Variants in LARP4B observed in about 807,000 individuals in gnomAD.
LARP4B encodes the protein la-related protein 4B.
A neutral mutation model predicts 89.8 loss-of-function variants in LARP4B; 12 were observed. The ratio of observed to expected loss-of-function variants is 0.13; its 90% confidence interval spans 0.09 to 0.22. LARP4B has a LOEUF of 0.22. Ranked by LOEUF, LARP4B falls within the 10% of genes least tolerant of loss-of-function variation. The probability of loss-of-function intolerance (pLI) is 1.00; values close to 1 mark genes in which losing one functional copy is unlikely to be tolerated. For synonymous variants in LARP4B, 367 were observed against 363.3 expected, an observed-to-expected ratio of 1.01 and a Z score of -0.12; for missense variants, 757 against 947.7, an observed-to-expected ratio of 0.80 and a Z score of 2.64.
rs533860961 is a variant in LARP4B, at chr10:812,827, T to C, written c.*99A>G. The C allele has an allele frequency of 3.1e-4, 353 of 1,148,686 alleles. 6 individuals are homozygous for C. In the South Asian group the frequency reaches 8.0e-3, roughly 26 times the overall value. 71.2% of individuals were successfully genotyped at this position (1,148,686 alleles called of 1,614,324 possible). On this transcript the variant is annotated 3_prime_UTR_variant, in exon 18 of 18. Coordinates refer to ENST00000316157, the MANE Select transcript of LARP4B (RefSeq NM_015155.3). ...TGAGGATCCCACAGGCCTCAGACACTGCAAGCTCCTAACCAGCGGCTCGCC... is the reference window on the plus strand; with the variant it reads ...TGAGGATCCCACAGGCCTCAGACACCGCAAGCTCCTAACCAGCGGCTCGCC...
chr10:849,104 G>A (rs1036199080), intron 5 of LARP4B, among the ~76,000 whole-genome samples: 1 of 152,030 alleles, frequency 6.6e-6, no homozygotes, highest in African/African-American at 2.4e-5. Flanking sequence ...GGAGGAAGTG[G>A]AGCAAAACGC....
chr10:814,967 G>T lies in LARP4B; in HGVS notation c.1799C>A (p.Pro600His). 1.2e-6 allele frequency: 2 copies of T among 1,602,770 alleles called. No homozygotes were observed. The highest frequency in any genetic ancestry group is 1.7e-6 in the Non-Finnish European group (2 of 1,172,882). ...CAVSATYERS[P>H]SPAHLPDDPK... ...TCACTCGGGTAAATGAGCTGGGGAGGGGGATCGCTCGTACGTTGCTGATAC... is the reference window on the plus strand; with the variant it reads ...TCACTCGGGTAAATGAGCTGGGGAGTGGGATCGCTCGTACGTTGCTGATAC... Residue 600 changes from proline to histidine, a missense_variant, in exon 16 of 18, where the codon CCC becomes CAC. By Grantham distance (77) the Pro-to-His change is moderately conservative. This residue lies in a region of LARP4B where 387 missense variants were observed against 423.6 expected (regional missense o/e 0.91). Transcript: ENST00000316157. This position sits in a 1 kb window ranked among gnomAD's most constrained non-coding sequence, Gnocchi z 4.4.
At chr10:869,932 AATAATAATAATAATAAT>A (rs1835115152) in intron 3 of LARP4B, 1 of 183,400 alleles carries the variant, frequency 5.5e-6, no homozygotes. Flanking sequence ...TAATAATAAT[AATAATAATAATAATAAT>A]AAATTAAAAT....
chr10:946,389 G>C, the LARP4B span, among the ~76,000 whole-genome samples: 1 of 152,182 alleles, frequency 6.6e-6, no homozygotes, highest in African/African-American at 2.4e-5. Context: ...AAAATACAAA[G>C]ATTCTTAAAT....
chr10:874,009 A>ATCACCAGAGGTCAGGAGTT (rs1235759846), intron 3 of LARP4B, among the ~76,000 whole-genome samples: 2 of 152,192 alleles, frequency 1.3e-5, no homozygotes, highest in Non-Finnish European at 2.9e-5. Flanking sequence ...AGGTGGGTGG[A>ATCACCAGAGGTCAGGAGTT]TCACCAGAGG....
intron 1 of LARP4B, among the ~76,000 whole-genome samples, chr10:914,922 T>C (rs901259938): frequency 3.4e-5 from 5 of 147,928 alleles, no homozygotes; most frequent in Non-Finnish European, 5.9e-5. Flanking sequence ...GAAAAAAAAA[T>C]TGTGTGTAAT....
chr10:826,628 T>C (rs2131641733), intron 11 of LARP4B, among the ~76,000 whole-genome samples: 1 of 152,286 alleles, frequency 6.6e-6, no homozygotes, highest in African/African-American at 2.4e-5. Flanking sequence ...CTCAAGACCA[T>C]TCATTCTAAT....
At chr10:886,134 A>G (rs2131935775) in intron 1 of LARP4B, among the ~76,000 whole-genome samples, 1 of 152,334 alleles carries the variant, frequency 6.6e-6, no homozygotes, top group East Asian at 1.9e-4. Flanking sequence ...TAAATAAATA[A>G]ATAACCTGGT....
chr10:917,717 T>C (rs143322135), intron 1 of LARP4B, among the ~76,000 whole-genome samples: 15 of 152,380 alleles, frequency 9.8e-5, no homozygotes, highest in African/African-American at 3.4e-4. Context: ...AGCATAGTCC[T>C]TGGCTTGGCT....
chr10:949,431 C>T, the LARP4B span, among the ~76,000 whole-genome samples: 51 of 152,292 alleles, frequency 3.3e-4, no homozygotes, highest in Admixed American at 3.3e-3. Flanking sequence ...TACCATCTTA[C>T]ATCCCACCAG....
chr10:862,524 G>A (rs1349570556), intron 5 of LARP4B, among the ~76,000 whole-genome samples: 1 of 152,204 alleles, frequency 6.6e-6, no homozygotes, highest in East Asian at 1.9e-4. Flanking sequence ...AACATGAGAG[G>A]CCGAGGCGGG....
the LARP4B span, chr10:988,210 G>T: frequency 1.3e-3 from 574 of 449,878 alleles, 2 homozygotes; most frequent in Middle Eastern, 6.0e-4. Context: ...GCTTTACTCA[G>T]CAGGAATTTA....
At chr10:866,053 T>G (rs566857563) in intron 3 of LARP4B, among the ~76,000 whole-genome samples, 1 of 152,340 alleles carries the variant, frequency 6.6e-6, no homozygotes, top group Admixed American at 6.5e-5. Context: ...GTGATGGGGC[T>G]GGTAGTAAAA....
intron 1 of LARP4B, among the ~76,000 whole-genome samples, chr10:910,102 C>T (rs889932742): frequency 5.3e-5 from 8 of 152,198 alleles, no homozygotes; most frequent in Admixed American, 2.0e-4. Context: ...TGACTGGCTG[C>T]CTTACCCTTA....
At chr10:938,478 C>G in the LARP4B span, among the ~76,000 whole-genome samples, 4 of 152,178 alleles carry the variant, frequency 2.6e-5, no homozygotes, top group East Asian at 7.8e-4. Context: ...TAGGCTTGAT[C>G]TCCTGCTCTT....
chr10:880,034 A>C (rs1430767764), intron 3 of LARP4B, among the ~76,000 whole-genome samples: 5 of 152,018 alleles, frequency 3.3e-5, no homozygotes, highest in Non-Finnish European at 7.4e-5. Context: ...TCAGCCTCCC[A>C]AAGTGCTGGG....
chr10:965,107 C>T, the LARP4B span, among the ~76,000 whole-genome samples: 3 of 152,210 alleles, frequency 2.0e-5, no homozygotes, highest in Non-Finnish European at 2.9e-5. Context: ...CCTCGCGGCT[C>T]AGCACCCGCC....
At position 809,816 on chromosome 10, in the gene LARP4B, G is replaced by A. The variant is rs987174798; in HGVS notation, c.*3110C>T. The A allele has an allele frequency of 2.6e-5, 4 of 152,710 alleles. No homozygotes were observed. The highest frequency in any genetic ancestry group is 7.2e-5 in the African/African-American group (3 of 41,464). 9.5% of individuals were successfully genotyped at this position (152,710 alleles called of 1,614,324 possible). On this transcript the variant is annotated 3_prime_UTR_variant, in exon 18 of 18. Coordinates refer to ENST00000316157, the MANE Select transcript of LARP4B (RefSeq NM_015155.3). ...CAAGCCGCAACTACAGCTCGCCAGC[G>A]GGGCACACAGACAGGCATGCACCAC...
chr10:893,680 A>C (rs1836104618), intron 1 of LARP4B, among the ~76,000 whole-genome samples: 2 of 152,128 alleles, frequency 1.3e-5, no homozygotes, highest in African/African-American at 4.8e-5. Context: ...AATGTTCCTC[A>C]ATTTGAGATG....
Sources: gnomAD v4.1 joint callset for allele counts (sites outside exome capture counted in the v4.1 genomes callset) on GRCh38, gnomAD v4.1.1 for gene constraint, gnomAD v4.1.1 regional missense constraint, Gnocchi (gnomAD v3.1) non-coding constraint, MANE v1.5 for transcripts, NCBI Gene and HGNC (gene_info 2026-07-23, HGNC 2026-07-21) for gene names.